Variants in MAST4 observed in about 807,000 individuals in gnomAD.
MAST4 encodes the protein microtubule associated serine/threonine kinase family member 4.
MAST4 carries 89 observed loss-of-function variants against 162.7 expected under a neutral mutation model. The ratio of observed to expected loss-of-function variants is 0.55; its 90% CI spans 0.46 to 0.65. MAST4 has a LOEUF of 0.65. Among genes scored for constraint, MAST4 ranks in the 30% least tolerant of loss-of-function variants. MAST4 has a pLI of 0.00. For missense variants in MAST4, 3,153 were observed against 3,374.0 expected (o/e 0.93, Z 1.62); for synonymous variants, 1,479 against 1,361.1 (o/e 1.09, Z -1.91).
At chr5:66,696,954 T>A (rs1206900804) in intron 1 of MAST4, among the ~76,000 whole-genome samples, 1 of 152,140 alleles carries the variant, frequency 6.6e-6, no homozygotes, top group Non-Finnish European at 1.5e-5. Context: ...CCCTTGAGAG[T>A]ACTTTTAAAA....
chr5:67,149,374 T>C lies in MAST4; in HGVS notation c.3095-15T>C, dbSNP rs1423422027. 6 of 1,607,364 alleles carry C rather than the reference T, an allele frequency of 3.7e-6. No homozygotes were observed. Among genetic ancestry groups the C allele is most frequent in the East Asian group, 2.2e-5 (1 of 44,734 alleles). On this transcript the variant is annotated splice_polypyrimidine_tract_variant and intron_variant, in intron 23 of 28. Coordinates refer to ENST00000403625, the MANE Select transcript of MAST4 (RefSeq NM_001164664.2). ...GGATTTTCCTGAATGTGTTTATCCC[T>C]TCTTCTTTGTACAGTTGGCAGTTTT... is the stretch of plus-strand genomic sequence containing the variant.
intron 10 of MAST4, among the ~76,000 whole-genome samples, chr5:67,107,086 A>G (rs549489697): frequency 6.6e-6 from 1 of 152,344 alleles, no homozygotes; most frequent in South Asian, 2.1e-4. Flanking sequence ...AGAGGCAGAC[A>G]CAGGAATTCT....
At chr5:66,608,355 C>CTTTTTTTTTT (rs72272071) in intron 1 of MAST4, among the ~76,000 whole-genome samples, 6 of 44,416 alleles carry the variant, frequency 1.4e-4, no homozygotes, top group South Asian at 1.3e-3. Context: ...TGTGCCTGGC[C>CTTTTTTTTTT]TTTTTTTTTT....
chr5:67,016,766 A>AT (rs1241669460), intron 4 of MAST4, among the ~76,000 whole-genome samples: 1 of 152,140 alleles, frequency 6.6e-6, no homozygotes, highest in Non-Finnish European at 1.5e-5. Context: ...ACTCAGGCTT[A>AT]TTTTCCTGAG....
chr5:66,646,866 A>G (rs1745873945), intron 1 of MAST4, among the ~76,000 whole-genome samples: 1 of 152,218 alleles, frequency 6.6e-6, no homozygotes, highest in Non-Finnish European at 1.5e-5. Context: ...GTTTCTCTGT[A>G]ATGCTGGGCT....
At chr5:66,919,643 A>G (rs1199211800) in intron 4 of MAST4, among the ~76,000 whole-genome samples, 3 of 145,426 alleles carry the variant, frequency 2.1e-5, no homozygotes, top group Non-Finnish European at 3.0e-5. Flanking sequence ...TGGGCAACAG[A>G]GCAAGACTCC....
chr5:67,093,001 A>G lies in MAST4; in HGVS notation c.834-2596A>G, dbSNP rs543281327. Among the ~76,000 whole-genome samples the G allele has an allele frequency of 5.3e-5, 8 of 152,338 alleles. No individual in the cohort carries two copies. The South Asian group carries it at 1.4e-3, about 28-fold the overall frequency. ...TATTGGCATAGTTCAACTTGTTCCA[A>G]CATCAACTAGAATATTTGGTGTATC... On this transcript the variant is annotated intron_variant, in intron 6 of 28. Coordinates refer to ENST00000403625, the MANE Select transcript of MAST4 (RefSeq NM_001164664.2).
intron 4 of MAST4, among the ~76,000 whole-genome samples, chr5:66,940,572 C>G (rs1015180633): frequency 7.2e-5 from 11 of 152,126 alleles, no homozygotes; most frequent in Admixed American, 5.9e-4. Context: ...AACTCTTCAT[C>G]CATTCAAGTT....
chr5:67,163,801 C>A lies in MAST4; in HGVS notation c.4622C>A (p.Ala1541Glu), dbSNP rs776060169. Reference sequence around the variant, plus strand: ...AAGGCCAAGGTGGTGGTGAAGAAAGCAGACGGCTTCCCAGAGAAACAGGAA... The same window carrying A: ...AAGGCCAAGGTGGTGGTGAAGAAAGAAGACGGCTTCCCAGAGAAACAGGAA... ...KLKAKVVVKK[A>E]DGFPEKQESH... The change falls in exon 29 of 29, where the codon GCA becomes GAA. Residue 1541 changes from alanine (A) to glutamate (E), a missense_variant. Ala to Glu is a moderately radical substitution (Grantham distance 107, BLOSUM62 -1). Coordinates refer to ENST00000403625, the MANE Select transcript of MAST4 (RefSeq NM_001164664.2). The surrounding 1 kb of genome is among the most constrained non-coding windows in gnomAD (Gnocchi z 7.0). 2.5e-6 allele frequency: 4 copies of A among 1,612,246 alleles called. No individual in the cohort carries two copies. The highest frequency in any genetic ancestry group is 2.2e-5 in the East Asian group (1 of 44,824).
In MAST4 at chr5:67,104,396, G is replaced by A. The variant is rs773257003; in HGVS notation, c.1177G>A (p.Glu393Lys). Reference protein sequence around the residue: ...ATAQMEERLKEIITSYSPDNV... With the variant: ...ATAQMEERLKKIITSYSPDNV... The stretch of plus-strand genomic sequence containing the variant: ...AGCTCAGATGGAAGAACGTCTAAAG[G>A]AAATTATCACCAGCTACTCTCCTGA... Residue 393 changes from glutamate (E) to lysine (K), a missense_variant, in exon 10 of 29, where the codon GAA (glutamate) becomes AAA (lysine). Physicochemically the swap from Glu to Lys is moderately conservative, Grantham distance 56. Coordinates refer to ENST00000403625, the MANE Select transcript of MAST4 (RefSeq NM_001164664.2). The A allele has an allele frequency of 1.2e-6, 2 of 1,613,666 alleles. No individual in the cohort carries two copies. The highest frequency in any genetic ancestry group is 3.3e-5 in the Admixed American group (2 of 59,974).
chr5:66,935,095 G>GT (rs2150084494), intron 4 of MAST4, among the ~76,000 whole-genome samples: 1 of 152,264 alleles, frequency 6.6e-6, no homozygotes, highest in African/African-American at 2.4e-5. Context: ...GTGAGAGAGT[G>GT]TATCAAAAAT....
At chr5:66,933,850 C>CT (rs1190923959) in intron 4 of MAST4, among the ~76,000 whole-genome samples, 1 of 152,030 alleles carries the variant, frequency 6.6e-6, no homozygotes, top group East Asian at 1.9e-4. Context: ...TTTAATGATA[C>CT]TTTTTTTGCT....
rs2151152450 is a variant in MAST4 at position 67,167,772 on chromosome 5, A to G, written c.*721A>G. On this transcript the variant is annotated 3_prime_UTR_variant, in exon 29 of 29. Transcript: ENST00000403625. Reference sequence around the variant, plus strand: ...CATTAGGAATGGCCAGGACAAGTGGAGCTAGCCATTTTCATTACACGGCCA... The same window carrying G: ...CATTAGGAATGGCCAGGACAAGTGGGGCTAGCCATTTTCATTACACGGCCA... The G allele has an allele frequency of 6.6e-6, 1 of 152,318 alleles. No individual in the cohort carries two copies. The highest frequency in any genetic ancestry group is 1.5e-5 in the Non-Finnish European group (1 of 68,032). 9.4% of individuals were successfully genotyped at this position (152,318 alleles called of 1,614,324 possible). A position where few individuals can be genotyped will look rare whatever the true frequency, so the allele number is the denominator to read the frequency against.
chr5:67,114,772 G>A (rs574247930), intron 12 of MAST4: 2 of 152,456 alleles, frequency 1.3e-5, no homozygotes, highest in South Asian at 4.1e-4. Context: ...TATGGGCTGG[G>A]CGCAGTGGCT....
At chr5:66,949,540 G>A (rs1381466487) in intron 4 of MAST4, among the ~76,000 whole-genome samples, 1 of 152,186 alleles carries the variant, frequency 6.6e-6, no homozygotes, top group Non-Finnish European at 1.5e-5. Context: ...AAGCCATGCT[G>A]AACTGTGAGT....
chr5:67,051,802 A>G (rs1302479220), intron 4 of MAST4, among the ~76,000 whole-genome samples: 1 of 152,204 alleles, frequency 6.6e-6, no homozygotes, highest in Non-Finnish European at 1.5e-5. Flanking sequence ...ACCCCATTTC[A>G]TAAGTATACA....
intron 26 of MAST4, among the ~76,000 whole-genome samples, chr5:67,157,556 GTCAA>G (rs2151099119): frequency 6.6e-6 from 1 of 152,260 alleles, no homozygotes; most frequent in African/African-American, 2.4e-5. Flanking sequence ...CATGCCACGT[GTCAA>G]TCAAGTGCCT....
At chr5:66,834,203 G>A (rs1314835936) in intron 3 of MAST4, among the ~76,000 whole-genome samples, 7 of 152,130 alleles carry the variant, frequency 4.6e-5, no homozygotes, top group Non-Finnish European at 4.4e-5. Flanking sequence ...GGATGAGCAG[G>A]AATTGGGAAA....
Position 67,152,808 on chromosome 5 carries a change from G to A in MAST4, c.3467G>A (p.Arg1156Gln), listed in dbSNP as rs761658657. The change falls in exon 25 of 29, where the codon CGA (arginine) becomes CAA (glutamine). Residue 1156 changes from arginine to glutamine, a missense_variant. Physicochemically the swap from Arg to Gln is conservative, Grantham distance 43. Transcript: ENST00000403625. Reference sequence around the variant, plus strand: ...GGGAAGAACTACGGCTTTACCATCCGAGCCATCCGGGTGTATGTGGGAGAC... The same window carrying A: ...GGGAAGAACTACGGCTTTACCATCCAAGCCATCCGGGTGTATGTGGGAGAC... ...SSGKNYGFTI[R>Q]AIRVYVGDSD... 8 of 1,613,892 alleles carry A rather than the reference G, an allele frequency of 5.0e-6. No individual in the cohort carries two copies. Among genetic ancestry groups the A allele is most frequent in the African/African-American group, 1.3e-5 (1 of 74,912 alleles).
Sources: gnomAD v4.1 joint callset for allele counts (sites outside exome capture counted in the v4.1 genomes callset) on GRCh38, gnomAD v4.1.1 for gene constraint, Gnocchi (gnomAD v3.1) non-coding constraint, MANE v1.5 for transcripts, NCBI Gene and HGNC (gene_info 2026-07-23, HGNC 2026-07-21) for gene names.